Variants in CDH13 observed in about 807,000 individuals in gnomAD.
The protein encoded by CDH13 is cadherin 13, also known as cadherin-13.
In CDH13, 24 loss-of-function variants were observed where a neutral mutation model predicts 63.8. That is an observed-to-expected ratio of 0.38 (90% CI 0.27 to 0.53). The LOEUF (loss-of-function observed/expected upper bound fraction) is 0.53, where lower values mean the gene tolerates loss of function less well. Among genes scored for constraint, CDH13 ranks in the 20% least tolerant of loss-of-function variants. The pLI is 0.85. For missense variants in CDH13, 1,049 were observed against 903.1 expected, an observed-to-expected ratio of 1.16 and a Z score of -2.07; for synonymous variants, 503 against 355.3, an observed-to-expected ratio of 1.42 and a Z score of -4.67.
At chr16:83,433,848 G>A (rs1480439463) in intron 6 of CDH13, among the ~76,000 whole-genome samples, 3 of 152,042 alleles carry the variant, frequency 2.0e-5, no homozygotes, top group South Asian at 2.1e-4. Context: ...GGTAGTAGTT[G>A]GTAATGATTT....
At chr16:83,092,384 G>A (rs2033959905) in intron 3 of CDH13, among the ~76,000 whole-genome samples, 1 of 152,186 alleles carries the variant, frequency 6.6e-6, no homozygotes, top group Admixed American at 6.5e-5. Context: ...TCCTTGTAGT[G>A]ATGGACACAT....
intron 6 of CDH13, among the ~76,000 whole-genome samples, chr16:83,400,561 G>C (rs2091953255): frequency 6.6e-6 from 1 of 152,184 alleles, no homozygotes; most frequent in Admixed American, 6.5e-5. Context: ...TGGAGCAAAA[G>C]TAATTGCAGT....
chr16:82,801,788 G>T (rs544037572), intron 1 of CDH13, among the ~76,000 whole-genome samples: 11 of 152,310 alleles, frequency 7.2e-5, no homozygotes, highest in African/African-American at 2.4e-4. Flanking sequence ...AATCTATACA[G>T]GTGTAGATTG....
chr16:82,824,983 T>C (rs2038175299), intron 1 of CDH13: 1 of 152,050 alleles, frequency 6.6e-6, no homozygotes, highest in Non-Finnish European at 1.5e-5. Context: ...TGAAATCATA[T>C]GATATCTAGA....
rs149464002 is a variant in CDH13, at chr16:83,072,146, T to C, written c.366+39928T>C. Among the ~76,000 whole-genome samples the C allele has an allele frequency of 4.1e-3, 622 of 152,320 alleles. 6 individuals carry two copies. Among genetic ancestry groups the C allele is most frequent in the African/African-American group, 0.014 (587 of 41,568 alleles). On this transcript the variant is annotated intron_variant, in intron 3 of 13. Coordinates refer to ENST00000567109, the MANE Select transcript of CDH13 (RefSeq NM_001257.5). ...TCTTTTTGGTACTTAGTTTCTGAAATTGTGCATGTATTTTACCCTTAAAGC... is the reference window on the plus strand; with the variant it reads ...TCTTTTTGGTACTTAGTTTCTGAAACTGTGCATGTATTTTACCCTTAAAGC...
At chr16:82,898,509 A>T (rs1214882472) in intron 2 of CDH13, among the ~76,000 whole-genome samples, 1 of 152,342 alleles carries the variant, frequency 6.6e-6, no homozygotes, top group South Asian at 2.1e-4. Flanking sequence ...TGGGAGACAG[A>T]TTGAGACTCC....
At chr16:82,809,434 G>A (rs1272352258) in intron 1 of CDH13, among the ~76,000 whole-genome samples, 1 of 152,070 alleles carries the variant, frequency 6.6e-6, no homozygotes, top group Admixed American at 6.5e-5. Context: ...TGGAGAGGAG[G>A]GAGTGGTAAG....
intron 7 of CDH13, among the ~76,000 whole-genome samples, chr16:83,528,271 G>A (rs1014282840): frequency 3.3e-5 from 5 of 152,218 alleles, no homozygotes; most frequent in South Asian, 2.1e-4. Context: ...CCATAATAAG[G>A]ATGAGGAAAT....
At chr16:83,203,336 C>T (rs938333800) in intron 4 of CDH13, among the ~76,000 whole-genome samples, 14 of 152,060 alleles carry the variant, frequency 9.2e-5, no homozygotes, top group Admixed American at 3.3e-4. Flanking sequence ...ATGCAATATA[C>T]CCTTGTAACA....
At chr16:83,488,029 T>C (rs1452271943) in intron 7 of CDH13, among the ~76,000 whole-genome samples, 1 of 152,232 alleles carries the variant, frequency 6.6e-6, no homozygotes, top group Non-Finnish European at 1.5e-5. Flanking sequence ...CTGAAGAAGA[T>C]TCTCTTTCTC....
chr16:82,880,209 C>A (rs911133347), intron 2 of CDH13, among the ~76,000 whole-genome samples: 2 of 152,024 alleles, frequency 1.3e-5, no homozygotes, highest in Non-Finnish European at 2.9e-5. Flanking sequence ...AATGAGAGGC[C>A]TTTGCTTCTC....
At chr16:83,166,670 A>G (rs2037686133) in intron 4 of CDH13, among the ~76,000 whole-genome samples, 1 of 152,194 alleles carries the variant, frequency 6.6e-6, no homozygotes, top group African/African-American at 2.4e-5. Context: ...AGGCATGGTT[A>G]TGATAGAGCA....
At chr16:83,663,755 A>G (rs1913666942) in intron 8 of CDH13, among the ~76,000 whole-genome samples, 1 of 152,092 alleles carries the variant, frequency 6.6e-6, no homozygotes, top group Non-Finnish European at 1.5e-5. Context: ...CTAGCATCTG[A>G]TTTCTTTCTT....
rs1052827435 is a variant in CDH13 at position 82,953,847 on chromosome 16, C to T, written c.158-78163C>T. 11 of 152,080 alleles carry T rather than the reference C, an allele frequency of 7.2e-5. No individual in the cohort carries two copies. The South Asian group carries it at 1.5e-3, about 20-fold the overall frequency. The allele number at this position is 152,080 out of a possible 1,614,324, so 9.4% of individuals were successfully genotyped here. On this transcript the variant is annotated intron_variant, in intron 2 of 13. Transcript: ENST00000567109. ...AATTATTTGTTTTTAGTAATAACAA[C>T]GACAATAATAATGATGATAGTAGGT...
At chr16:83,039,097 A>G (rs1389826839) in intron 3 of CDH13, among the ~76,000 whole-genome samples, 2 of 152,174 alleles carry the variant, frequency 1.3e-5, no homozygotes, top group African/African-American at 4.8e-5. Flanking sequence ...ACAAAGCAAA[A>G]GTCTCCCATG....
chr16:82,654,830 G>T (rs1192100238), intron 1 of CDH13, among the ~76,000 whole-genome samples: 1 of 152,052 alleles, frequency 6.6e-6, no homozygotes, highest in Non-Finnish European at 1.5e-5. Flanking sequence ...GCTAACAAAG[G>T]TATGTGCCTG....
intron 1 of CDH13, among the ~76,000 whole-genome samples, chr16:82,689,529 G>A (rs1292486554): frequency 6.6e-6 from 1 of 152,136 alleles, no homozygotes; most frequent in Non-Finnish European, 1.5e-5. Flanking sequence ...TTGCCTGAAG[G>A]CTCGAGGATG....
chr16:83,191,916 A>G (rs1246016129), intron 4 of CDH13, among the ~76,000 whole-genome samples: 6 of 152,118 alleles, frequency 3.9e-5, no homozygotes, highest in African/African-American at 9.7e-5. Flanking sequence ...CCCAGGATCA[A>G]TACTTTGCAT....
chr16:82,645,152 C>G (rs2150896178), intron 1 of CDH13, among the ~76,000 whole-genome samples: 1 of 152,278 alleles, frequency 6.6e-6, no homozygotes, highest in South Asian at 2.1e-4. Flanking sequence ...TGCCATATCT[C>G]AGAGTACGGG....
Sources: gnomAD v4.1 joint callset for allele counts (sites outside exome capture counted in the v4.1 genomes callset) on GRCh38, gnomAD v4.1.1 for gene constraint, MANE v1.5 for transcripts, NCBI Gene and HGNC (gene_info 2026-07-23, HGNC 2026-07-21) for gene names.